Variants in CACNA1B observed in about 807,000 individuals in gnomAD.
The protein encoded by CACNA1B is voltage-dependent N-type calcium channel subunit alpha-1B.
A neutral mutation model predicts 247.2 loss-of-function variants in CACNA1B; 70 were observed. The ratio of observed to expected loss-of-function variants is 0.28; its 90% CI spans 0.23 to 0.35. CACNA1B has a LOEUF of 0.35. Ranked by LOEUF, CACNA1B falls within the 10% of genes least tolerant of loss-of-function variation. The pLI, the probability that CACNA1B is intolerant of heterozygous loss-of-function variation, is 1.00. For missense variants in CACNA1B, 2,367 were observed against 3,197.4 expected, an observed-to-expected ratio of 0.74 and a Z score of 6.26; for synonymous variants, 1,231 against 1,294.4, an observed-to-expected ratio of 0.95 and a Z score of 1.05.
At chr9:138,116,459 T>G (rs1961871074) in intron 42 of CACNA1B, among the ~76,000 whole-genome samples, 1 of 152,212 alleles carries the variant, frequency 6.6e-6, no homozygotes, top group Non-Finnish European at 1.5e-5. Context: ...CCCGAGCCGC[T>G]GGCAGCCCCC....
intron 15 of CACNA1B, among the ~76,000 whole-genome samples, chr9:138,003,007 C>T (rs150385356): frequency 2.4e-3 from 368 of 151,752 alleles, no homozygotes; most frequent in African/African-American, 8.4e-3. Context: ...CTGTGTTGGC[C>T]AGGCTGGTCT....
chr9:137,989,757 A>G lies in CACNA1B; in HGVS notation c.1974+2903A>G, dbSNP rs74972834. ...TTTCAGACACAAATAGGAGTGAGTT[A>G]CCACCACCCACCCAGATCATTTGAA... On this transcript the variant is annotated intron_variant, in intron 15 of 46. Transcript: ENST00000371372. Among the ~76,000 whole-genome samples the G allele has an allele frequency of 2.8e-3, 426 of 152,282 alleles. 6 individuals carry two copies. In the East Asian group the frequency reaches 0.043, roughly 15 times the overall value.
chr9:137,907,569 C>G (rs1405189345), intron 3 of CACNA1B, among the ~76,000 whole-genome samples: 1 of 152,164 alleles, frequency 6.6e-6, no homozygotes, highest in Non-Finnish European at 1.5e-5. Context: ...GATTGCCAAT[C>G]GTTTTGAGCA....
At chr9:137,978,343 T>C (rs1461210043) in intron 12 of CACNA1B, among the ~76,000 whole-genome samples, 1 of 63,484 alleles carries the variant, frequency 1.6e-5, no homozygotes, top group Non-Finnish European at 3.0e-5. Context: ...CAGGAGGGAG[T>C]GAAGGGTGGG....
At chr9:137,921,089 A>C (rs1957472073) in intron 6 of CACNA1B, among the ~76,000 whole-genome samples, 1 of 152,090 alleles carries the variant, frequency 6.6e-6, no homozygotes. Context: ...ACAGTGTTTA[A>C]AACTATGTGA....
At chr9:137,922,463 G>A (rs577634861) in intron 6 of CACNA1B, among the ~76,000 whole-genome samples, 40 of 152,324 alleles carry the variant, frequency 2.6e-4, no homozygotes, top group Middle Eastern at 3.4e-3. Context: ...TGTTGCTGGA[G>A]GTCAAGGAAG....
At chr9:138,069,642 A>G (rs1960048929) in intron 31 of CACNA1B, 116 bp from the exon 32 acceptor site, 1 of 764,944 alleles carries the variant, frequency 1.3e-6, no homozygotes, top group South Asian at 1.5e-5. Context: ...ACGCCATCCA[A>G]CCAACATACA....
intron 6 of CACNA1B, among the ~76,000 whole-genome samples, chr9:137,933,533 C>T (rs1052002391): frequency 2.0e-5 from 3 of 152,198 alleles, no homozygotes; most frequent in Non-Finnish European, 4.4e-5. Flanking sequence ...CTTATCCTGT[C>T]ATTGTAACCC....
intron 18 of CACNA1B, among the ~76,000 whole-genome samples, chr9:138,017,612 A>T (rs1015617670): frequency 6.6e-6 from 1 of 152,114 alleles, no homozygotes; most frequent in African/African-American, 2.4e-5. Flanking sequence ...GGGGACGTTT[A>T]TGGGTCCTCC....
chr9:137,881,990 G>A lies in CACNA1B; in HGVS notation c.391-754G>A, dbSNP rs1387463893. ...GAGGCTCCCTGCGGTCTGAGCCCAGGGTGGCTCCCAGCTTCAGGCTCAGAC... is the reference window on the plus strand; with the variant it reads ...GAGGCTCCCTGCGGTCTGAGCCCAGAGTGGCTCCCAGCTTCAGGCTCAGAC... On this transcript the variant is annotated intron_variant, in intron 2 of 46. Coordinates refer to ENST00000371372, the MANE Select transcript of CACNA1B (RefSeq NM_000718.4). The surrounding 1 kb of genome is among the most constrained non-coding windows in gnomAD (Gnocchi z 4.3). Among the ~76,000 whole-genome samples the A allele has an allele frequency of 6.6e-6, 1 of 152,168 alleles. No homozygotes were observed. Among genetic ancestry groups the A allele is most frequent in the Non-Finnish European group, 1.5e-5 (1 of 68,018 alleles).
intron 15 of CACNA1B, among the ~76,000 whole-genome samples, chr9:137,995,223 A>C (rs1280601841): frequency 1.3e-5 from 2 of 151,980 alleles, no homozygotes; most frequent in East Asian, 1.9e-4. Context: ...AAAAAAAAAA[A>C]AAAAACAAAA....
intron 31 of CACNA1B, chr9:138,068,581 T>G (rs751699338): frequency 3.9e-6 from 2 of 518,774 alleles, no homozygotes; most frequent in Middle Eastern, 6.5e-4. Flanking sequence ...TGGGCTGCAT[T>G]GCTGATTCCT....
intron 12 of CACNA1B, among the ~76,000 whole-genome samples, chr9:137,978,777 G>A (rs1958259407): frequency 6.6e-6 from 1 of 152,196 alleles, no homozygotes; most frequent in Admixed American, 6.5e-5. Context: ...TTGTGTGACT[G>A]GCCCCAGGCT....
chr9:138,043,832 C>T lies in CACNA1B; in HGVS notation c.3345C>T (p.Asp1115=), dbSNP rs759943027. ...GGAAGAAGGAGGTGGAAGCGGATGA[C>T]GTGATGAGGAGCGGCCCCCGGCCTA... ...AEGKKEVEAD[D]VMRSGPRPIV... is the part of the protein sequence containing the mutation. The change falls in exon 21 of 47, where the codon GAC becomes GAT. Residue 1115 remains aspartate (D), a synonymous_variant. Coordinates refer to ENST00000371372, the MANE Select transcript of CACNA1B (RefSeq NM_000718.4). The T allele has an allele frequency of 3.3e-5, 53 of 1,613,818 alleles. No individual in the cohort carries two copies. Among genetic ancestry groups the T allele is most frequent in the Non-Finnish European group, 4.2e-5 (50 of 1,179,854 alleles).
At chr9:138,119,189 G>A (rs777020963) in intron 44 of CACNA1B, among the ~76,000 whole-genome samples, 13 of 152,080 alleles carry the variant, frequency 8.5e-5, no homozygotes, top group African/African-American at 2.9e-4. Flanking sequence ...GTGGTTCTGC[G>A]GAGGACCCTC....
chr9:137,997,775 G>A (rs1958517058), intron 15 of CACNA1B, among the ~76,000 whole-genome samples: 1 of 152,194 alleles, frequency 6.6e-6, no homozygotes, highest in Non-Finnish European at 1.5e-5. Flanking sequence ...CACTGGAATT[G>A]GCACGAGCAG....
rs1160961558 is a variant in CACNA1B at position 137,899,558 on chromosome 9, A to G, written c.531-13622A>G. On this transcript the variant is annotated intron_variant, in intron 3 of 46. Coordinates refer to ENST00000371372, the MANE Select transcript of CACNA1B (RefSeq NM_000718.4). This position sits in a 1 kb window ranked among gnomAD's most constrained non-coding sequence, Gnocchi z 5.0. ...CCCTGTCCTTGCTTTGGAGCAGGCTAGGTGGCTCCCACTTCTTGGCCTGTT... is the reference window on the plus strand; with the variant it reads ...CCCTGTCCTTGCTTTGGAGCAGGCTGGGTGGCTCCCACTTCTTGGCCTGTT... 6.6e-6 allele frequency among the ~76,000 whole-genome samples: 1 copy of G among 152,116 alleles called. No homozygotes were observed. The highest frequency in any genetic ancestry group is 1.5e-5 in the Non-Finnish European group (1 of 68,006).
chr9:137,959,715 G>A (rs1957988789), intron 10 of CACNA1B, among the ~76,000 whole-genome samples: 1 of 152,192 alleles, frequency 6.6e-6, no homozygotes, highest in Non-Finnish European at 1.5e-5. Flanking sequence ...AACCTCGCCT[G>A]TGTCGAGTGC....
At chr9:138,068,092 G>A (rs1564269974) in intron 31 of CACNA1B, among the ~76,000 whole-genome samples, 1 of 152,208 alleles carries the variant, frequency 6.6e-6, no homozygotes, top group Admixed American at 6.5e-5. Context: ...TTTGGTCAGA[G>A]CATAGGTGTG....
Sources: allele counts gnomAD v4.1 joint callset (sites outside exome capture counted in the v4.1 genomes callset), GRCh38; gene constraint gnomAD v4.1.1; non-coding constraint Gnocchi (gnomAD v3.1); transcripts MANE v1.5; gene names NCBI Gene and HGNC (gene_info 2026-07-23, HGNC 2026-07-21).